Variants in NRG1 observed in about 807,000 individuals in gnomAD.
NRG1 encodes neuregulin 1, also known as pro-neuregulin-1, membrane-bound isoform.
NRG1 carries 18 observed loss-of-function variants against 63.8 expected under a neutral mutation model. That is an observed-to-expected ratio of 0.28 (90% CI 0.19 to 0.42). The LOEUF (loss-of-function observed/expected upper bound fraction) is 0.42. NRG1 is among the 10% of genes least tolerant of loss of function. The pLI, the probability that NRG1 is intolerant of heterozygous loss-of-function variation, is 1.00. For synonymous variants in NRG1, 302 were observed against 301.3 expected, an observed-to-expected ratio of 1.00 and a Z score of -0.02; for missense variants, 762 against 814.7, an observed-to-expected ratio of 0.94 and a Z score of 0.79.
At chr8:32,431,206 C>T (rs1262226528) in intron 1 of NRG1, among the ~76,000 whole-genome samples, 1 of 152,144 alleles carries the variant, frequency 6.6e-6, no homozygotes, top group East Asian at 1.9e-4. Context: ...ATCTATGAAG[C>T]TCTTACCGAT....
chr8:32,135,262 G>A (rs1298886264), intron 1 of NRG1, among the ~76,000 whole-genome samples: 1 of 152,166 alleles, frequency 6.6e-6, no homozygotes, highest in Non-Finnish European at 1.5e-5. Context: ...ACTATGCTGA[G>A]GAATAATGTG....
chr8:32,162,591 C>G (rs568453994), intron 1 of NRG1, among the ~76,000 whole-genome samples: 3 of 152,148 alleles, frequency 2.0e-5, no homozygotes, highest in East Asian at 3.9e-4. Flanking sequence ...AAGGAAAGGC[C>G]TCAGACCCCT....
chr8:32,029,607 A>G (rs936695897), intron 1 of NRG1: 9 of 152,210 alleles, frequency 5.9e-5, no homozygotes, highest in African/African-American at 2.2e-4. Flanking sequence ...TATTTGTTAC[A>G]AAGGCAAATT....
chr8:31,723,061 G>C (rs1042184515), intron 1 of NRG1, among the ~76,000 whole-genome samples: 1 of 152,004 alleles, frequency 6.6e-6, no homozygotes, highest in African/African-American at 2.4e-5. Context: ...TATACATTTT[G>C]GTCTTGAGGC....
chr8:31,906,399 T>C (rs1403824822), intron 1 of NRG1, among the ~76,000 whole-genome samples: 1 of 152,140 alleles, frequency 6.6e-6, no homozygotes, highest in East Asian at 1.9e-4. Context: ...GGAGGGACAA[T>C]ACAGTGTGTG....
chr8:31,805,827 C>A (rs1202927183), intron 1 of NRG1, among the ~76,000 whole-genome samples: 698 of 105,080 alleles, frequency 6.6e-3, no homozygotes, highest in South Asian at 0.015. Context: ...GACTCCGTCT[C>A]AAAAAAAAAA....
chr8:31,920,184 G>T (rs555929563), intron 1 of NRG1, among the ~76,000 whole-genome samples: 27 of 152,188 alleles, frequency 1.8e-4, no homozygotes, highest in African/African-American at 6.5e-4. Context: ...CACTTGAGCT[G>T]TAATTTTGTT....
rs193248984 is a variant in NRG1, at chr8:32,459,963, T to C, written c.38-135865T>C. 3.9e-3 allele frequency among the ~76,000 whole-genome samples: 597 copies of C among 152,358 alleles called. 2 individuals carry two copies. Among genetic ancestry groups the C allele is most frequent in the Non-Finnish European group, 5.9e-3 (401 of 68,038 alleles). On this transcript the variant is annotated intron_variant, in intron 1 of 10. Coordinates refer to the NRG1 transcript ENST00000519301. ...CTCAGGCTGGTGTTGGTAGCAGTCATTGAACTTCACAACACCTTATGTTAA... is the reference window on the plus strand; with the variant it reads ...CTCAGGCTGGTGTTGGTAGCAGTCACTGAACTTCACAACACCTTATGTTAA...
chr8:31,992,027 G>A (rs1482182268), intron 1 of NRG1, among the ~76,000 whole-genome samples: 1 of 151,808 alleles, frequency 6.6e-6, no homozygotes, highest in Non-Finnish European at 1.5e-5. Context: ...ACAAGAGAGA[G>A]ATAATTTGCT....
At chr8:31,966,287 A>G (rs1688170740) in intron 1 of NRG1, among the ~76,000 whole-genome samples, 1 of 152,236 alleles carries the variant, frequency 6.6e-6, no homozygotes, top group African/African-American at 2.4e-5. Flanking sequence ...TACAAACCAC[A>G]AAGATTCTGA....
chr8:31,830,302 TTTCCTTCCTTCC>T (rs375861946), intron 1 of NRG1, among the ~76,000 whole-genome samples: 234 of 122,734 alleles, frequency 1.9e-3, no homozygotes, highest in African/African-American at 3.1e-3. Flanking sequence ...GCTCTTCTTT[TTTCCTTCCTTCC>T]TTCCTTCCTT....
At chr8:32,325,439 T>C (rs1395122565) in intron 1 of NRG1, among the ~76,000 whole-genome samples, 2 of 152,238 alleles carry the variant, frequency 1.3e-5, no homozygotes, top group Non-Finnish European at 2.9e-5. Context: ...TGAAGTGCAG[T>C]GGCACAAACG....
At chr8:31,996,640 G>A (rs989290504) in intron 1 of NRG1, among the ~76,000 whole-genome samples, 1 of 152,024 alleles carries the variant, frequency 6.6e-6, no homozygotes. Flanking sequence ...AGCTACTCAG[G>A]AGGCTGAAGC....
In NRG1 at chr8:32,560,726, A is replaced by C. The variant is rs139100907; in HGVS notation, c.100+11900A>C. Among the ~76,000 whole-genome samples the C allele has an allele frequency of 7.0e-3, 1,059 of 152,284 alleles. 9 individuals carry two copies. The highest frequency in any genetic ancestry group is 0.023 in the African/African-American group (974 of 41,562). ...AGTGCTTAATTATTCAGACTAATGAATTGGAATTAGAGGTTTGCTCAGTCC... is the reference window on the plus strand; with the variant it reads ...AGTGCTTAATTATTCAGACTAATGACTTGGAATTAGAGGTTTGCTCAGTCC... On this transcript the variant is annotated intron_variant, in intron 1 of 11. Transcript: ENST00000356819.
intron 1 of NRG1, among the ~76,000 whole-genome samples, chr8:31,763,165 A>G (rs1342150690): frequency 6.6e-6 from 1 of 152,230 alleles, no homozygotes; most frequent in East Asian, 1.9e-4. Context: ...TAGAAGAGAT[A>G]TTTCTCATTT....
chr8:32,243,851 A>C (rs1848362853), intron 1 of NRG1, among the ~76,000 whole-genome samples: 2 of 152,272 alleles, frequency 1.3e-5, no homozygotes, highest in East Asian at 3.9e-4. Context: ...TCTCTCTGCC[A>C]CCTGAAAATG....
At chr8:31,923,549 T>C (rs1834087081) in intron 1 of NRG1, among the ~76,000 whole-genome samples, 1 of 152,184 alleles carries the variant, frequency 6.6e-6, no homozygotes, top group Non-Finnish European at 1.5e-5. Flanking sequence ...CCTTACGTAT[T>C]TGGGAGAATT....
At chr8:32,081,002 AT>A (rs1827383409) in intron 1 of NRG1, among the ~76,000 whole-genome samples, 2 of 152,086 alleles carry the variant, frequency 1.3e-5, no homozygotes, top group African/African-American at 4.8e-5. Flanking sequence ...CTTTTGTTCT[AT>A]TCAGATCTTC....
Position 32,215,293 on chromosome 8 carries a change from G to A in NRG1, c.38-380535G>A, listed in dbSNP as rs192935402. On this transcript the variant is annotated intron_variant, in intron 1 of 10. Coordinates refer to the NRG1 transcript ENST00000519301. ...CTATGTGGTCCCAAAAGTTGAGAAG[G>A]CATTTCGTGCTATAGCTCCTCTTGC... Among the ~76,000 whole-genome samples, 212 of 152,282 alleles carry A rather than the reference G, an allele frequency of 1.4e-3. 1 individual carries two copies. The highest frequency in any genetic ancestry group is 2.1e-3 in the Non-Finnish European group (144 of 68,014).
Sources: gnomAD v4.1 joint callset for allele counts (sites outside exome capture counted in the v4.1 genomes callset) on GRCh38, gnomAD v4.1.1 for gene constraint, MANE v1.5 for transcripts, NCBI Gene and HGNC (gene_info 2026-07-23, HGNC 2026-07-21) for gene names.